The following CACNA1D variants were observed in gnomAD, a reference collection of about 807,000 sequenced individuals.
CACNA1D encodes calcium voltage-gated channel subunit alpha1 D.
A neutral mutation model predicts 257.1 loss-of-function variants in CACNA1D; 55 were observed. The ratio of observed to expected loss-of-function variants is 0.21; its 90% CI spans 0.17 to 0.27. The LOEUF is 0.27. Ranked by LOEUF, CACNA1D falls within the 10% of genes least tolerant of loss-of-function variation. The pLI is 1.00. For synonymous variants in CACNA1D, 980 were observed against 1,014.9 expected, an observed-to-expected ratio of 0.97 and a Z score of 0.65; for missense variants, 1,876 against 2,784.0, an observed-to-expected ratio of 0.67 and a Z score of 7.34.
intron 3 of CACNA1D, among the ~76,000 whole-genome samples, chr3:53,571,860 A>G (rs1045713534): frequency 1.3e-5 from 2 of 152,218 alleles, no homozygotes; most frequent in African/African-American, 2.4e-5. Flanking sequence ...TCGGTAGGAC[A>G]GTCCAAACCA....
At chr3:53,731,605 T>C (rs1305357069) in intron 17 of CACNA1D, among the ~76,000 whole-genome samples, 1 of 152,214 alleles carries the variant, frequency 6.6e-6, no homozygotes, top group East Asian at 1.9e-4. Flanking sequence ...GTTCATCGAG[T>C]TGATAAATGC....
In CACNA1D at chr3:53,781,649, G is replaced by A. The variant is rs1461443080; in HGVS notation, c.4774G>A (p.Val1592Ile). 1.9e-6 allele frequency: 3 copies of A among 1,612,976 alleles called. No individual in the cohort carries two copies. Among genetic ancestry groups the A allele is most frequent in the African/African-American group, 1.3e-5 (1 of 75,038 alleles). Residue 1592 changes from valine to isoleucine, a missense_variant, in exon 39 of 48, where the codon GTT becomes ATT. Physicochemically the swap from Val to Ile is conservative, Grantham distance 29. Around this residue, in one of 10 missense-constraint regions of CACNA1D, gnomAD observed 160 missense variants for 236.6 expected, o/e 0.68. Transcript: ENST00000350061. Reference sequence around the variant, plus strand: ...AACCAGCATGAAATTACTTGACCAAGTTGTCCCTCCAGCTGGTGGTCAGTG... The same window carrying A: ...AACCAGCATGAAATTACTTGACCAAATTGTCCCTCCAGCTGGTGGTCAGTG... Reference protein sequence around the residue: ...KKTSMKLLDQVVPPAGDDEVT... With the variant: ...KKTSMKLLDQIVPPAGDDEVT...
intron 3 of CACNA1D, among the ~76,000 whole-genome samples, chr3:53,600,603 TAC>T (rs1166756499): frequency 6.6e-6 from 1 of 152,236 alleles, no homozygotes; most frequent in Non-Finnish European, 1.5e-5. Context: ...TTTCAACTAT[TAC>T]TCAATACCAC....
intron 3 of CACNA1D, among the ~76,000 whole-genome samples, chr3:53,600,847 C>T (rs1345582159): frequency 1.3e-5 from 2 of 152,278 alleles, no homozygotes; most frequent in Non-Finnish European, 2.9e-5. Context: ...TTTAACCCCC[C>T]TGTTCGCTGA....
In CACNA1D at chr3:53,810,261, G is replaced by A; in HGVS notation, c.6155G>A (p.Ser2052Asn). ...CCCAGCAGCTTCCGGAACAAAAACAGCGACAAGCAGAGGAGTGCGGACAGC... is the reference window on the plus strand; with the variant it reads ...CCCAGCAGCTTCCGGAACAAAAACAACGACAAGCAGAGGAGTGCGGACAGC... Reference protein sequence around the residue: ...TVPSSFRNKNSDKQRSADSLV... With the variant: ...TVPSSFRNKNNDKQRSADSLV... Residue 2052 changes from serine (S) to asparagine (N), a missense_variant, in exon 47 of 48, where the codon AGC becomes AAC. Coordinates refer to ENST00000350061, the MANE Select transcript of CACNA1D (RefSeq NM_001128840.3). The A allele has an allele frequency of 6.2e-7, 1 of 1,613,836 alleles. No homozygotes were observed. The highest frequency in any genetic ancestry group is 1.1e-5 in the South Asian group (1 of 91,074).
At position 53,723,375 on chromosome 3, in the gene CACNA1D, C is replaced by T. The variant is rs1179158964; in HGVS notation, c.1667-59C>T. ...GATAGGGAGGGAGGTGTGAGGGGCA[C>T]GAGCAGTCTGAGTGTCTTGCAGGAG... On this transcript the variant is annotated intron_variant, in intron 12 of 47. Transcript: ENST00000350061. This position sits in a 1 kb window ranked among gnomAD's most constrained non-coding sequence, Gnocchi z 5.6. 20 of 1,252,644 alleles carry T rather than the reference C, an allele frequency of 1.6e-5. No individual in the cohort carries two copies. The highest frequency in any genetic ancestry group is 8.4e-5 in the Admixed American group (5 of 59,548). The allele number at this position is 1,252,644 out of a possible 1,614,324, so 77.6% of individuals were successfully genotyped here.
chr3:53,808,856 A>C, intron 46 of CACNA1D, 86 bp downstream of exon 46: 1 of 1,401,594 alleles, frequency 7.1e-7, no homozygotes, highest in Non-Finnish European at 9.9e-7. Flanking sequence ...CCTTGGCCTT[A>C]AGCACCAGGA....
At chr3:53,539,529 G>A (rs969709372) in intron 3 of CACNA1D, among the ~76,000 whole-genome samples, 9 of 152,210 alleles carry the variant, frequency 5.9e-5, no homozygotes, top group African/African-American at 1.4e-4. Context: ...TGCTATTGAT[G>A]TACAGTCAAG....
intron 8 of CACNA1D, among the ~76,000 whole-genome samples, chr3:53,695,014 C>T (rs1263266460): frequency 6.6e-6 from 1 of 152,174 alleles, no homozygotes; most frequent in Non-Finnish European, 1.5e-5. Flanking sequence ...GTCGTCAGAG[C>T]GCCCTGCAGC....
At chr3:53,550,951 C>T (rs1395405182) in intron 3 of CACNA1D, among the ~76,000 whole-genome samples, 1 of 152,146 alleles carries the variant, frequency 6.6e-6, no homozygotes, top group Non-Finnish European at 1.5e-5. Context: ...TGATATCATT[C>T]TTGTTTAAAA....
intron 3 of CACNA1D, among the ~76,000 whole-genome samples, chr3:53,586,652 T>A: frequency 6.6e-6 from 1 of 152,166 alleles, no homozygotes; most frequent in African/African-American, 2.4e-5. Context: ...TTTTAGACTA[T>A]CTTTACTTCT....
intron 8 of CACNA1D, among the ~76,000 whole-genome samples, chr3:53,675,660 A>G (rs2094368481): frequency 1.3e-5 from 2 of 152,202 alleles, no homozygotes; most frequent in South Asian, 2.1e-4. Context: ...TTAAACCTGC[A>G]ACTCCGTGGG....
chr3:53,600,883 C>G (rs575391105), intron 3 of CACNA1D, among the ~76,000 whole-genome samples: 1 of 152,264 alleles, frequency 6.6e-6, no homozygotes, highest in Non-Finnish European at 1.5e-5. Flanking sequence ...ATGATTGAAA[C>G]AGATAATCCT....
At chr3:53,719,851 A>C in intron 11 of CACNA1D, 70 bp downstream of exon 11, 1 of 1,354,078 alleles carries the variant, frequency 7.4e-7, no homozygotes, top group East Asian at 2.3e-5. Context: ...TCTGAATTTT[A>C]CGTAGTATTG....
intron 21 of CACNA1D, among the ~76,000 whole-genome samples, chr3:53,740,916 C>T (rs1017566238): frequency 6.6e-6 from 1 of 152,130 alleles, no homozygotes; most frequent in African/African-American, 2.4e-5. Context: ...AATAGTAACA[C>T]ACTATTTTCT....
intron 3 of CACNA1D, among the ~76,000 whole-genome samples, chr3:53,541,797 G>A (rs2092303835): frequency 6.6e-6 from 1 of 152,110 alleles, no homozygotes; most frequent in South Asian, 2.1e-4. Flanking sequence ...TGTCGCGTAG[G>A]GGAGTTGTGA....
chr3:53,554,033 A>G lies in CACNA1D; in HGVS notation c.483+52313A>G, dbSNP rs564441280. On this transcript the variant is annotated intron_variant, in intron 3 of 47. Transcript: ENST00000350061. ...AACACAGTGAAACCCTGTCTCTACT[A>G]AAAATACAAAAAATTAGCTGGGCGT... Among the ~76,000 whole-genome samples, 3 of 151,968 alleles carry G rather than the reference A, an allele frequency of 2.0e-5. No individual in the cohort carries two copies. The South Asian group carries it at 6.3e-4, about 32-fold the overall frequency.
intron 45 of CACNA1D, among the ~76,000 whole-genome samples, chr3:53,806,511 T>G (rs1452157001): frequency 6.6e-6 from 1 of 152,210 alleles, no homozygotes; most frequent in African/African-American, 2.4e-5. Flanking sequence ...CTTCCAGCCC[T>G]TGGCTGAACA....
chr3:53,514,729 G>A (rs191560477), intron 3 of CACNA1D, among the ~76,000 whole-genome samples: 6 of 152,264 alleles, frequency 3.9e-5, no homozygotes, highest in African/African-American at 1.2e-4. Flanking sequence ...AAGACCAGCC[G>A]GCTTGCTCTG....
Sources: allele counts gnomAD v4.1 joint callset (sites outside exome capture counted in the v4.1 genomes callset), GRCh38; gene constraint gnomAD v4.1.1; regional missense constraint gnomAD v4.1.1; non-coding constraint Gnocchi (gnomAD v3.1); transcripts MANE v1.5; gene names NCBI Gene and HGNC (gene_info 2026-07-23, HGNC 2026-07-21).